Variants in NLGN1 observed in about 807,000 individuals in gnomAD.
The protein encoded by NLGN1 is neuroligin-1.
NLGN1 carries 12 observed loss-of-function variants against 65.5 expected under a neutral mutation model. The ratio of observed to expected loss-of-function variants is 0.18; its 90% CI spans 0.12 to 0.30. The LOEUF is 0.30. NLGN1 is among the 10% of genes least tolerant of loss of function. NLGN1 has a pLI of 1.00. For missense variants in NLGN1, 750 were observed against 1,007.1 expected, an observed-to-expected ratio of 0.74 and a Z score of 3.46; for synonymous variants, 350 against 359.5, an observed-to-expected ratio of 0.97 and a Z score of 0.30.
chr3:173,509,296 A>T (rs545344484), intron 2 of NLGN1, among the ~76,000 whole-genome samples: 2 of 152,250 alleles, frequency 1.3e-5, no homozygotes, highest in African/African-American at 4.8e-5. Context: ...ATTTTTAAGG[A>T]TTTTTAAACT....
chr3:173,579,478 A>G (rs1171249866), intron 2 of NLGN1, among the ~76,000 whole-genome samples: 1 of 152,256 alleles, frequency 6.6e-6, no homozygotes, highest in African/African-American at 2.4e-5. Flanking sequence ...CCAGGTCTCA[A>G]GATAAATAAA....
chr3:173,627,125 G>A (rs779957205), intron 3 of NLGN1, among the ~76,000 whole-genome samples: 2 of 151,420 alleles, frequency 1.3e-5, no homozygotes, highest in Non-Finnish European at 1.5e-5. Context: ...TTGTTTTTTC[G>A]GTATTATTGA....
At chr3:173,506,593 A>G (rs1732076769) in intron 2 of NLGN1, among the ~76,000 whole-genome samples, 1 of 152,226 alleles carries the variant, frequency 6.6e-6, no homozygotes, top group East Asian at 1.9e-4. Flanking sequence ...AAATTATGGT[A>G]GCTATTAAAC....
At chr3:173,526,371 A>T (rs557998734) in intron 2 of NLGN1, among the ~76,000 whole-genome samples, 1 of 151,998 alleles carries the variant, frequency 6.6e-6, no homozygotes, top group Non-Finnish European at 1.5e-5. Context: ...TTTGTTTGAT[A>T]TAAGAATGGC....
At chr3:174,237,233 C>CT (rs570879142) in intron 4 of NLGN1, among the ~76,000 whole-genome samples, 117 of 152,236 alleles carry the variant, frequency 7.7e-4, no homozygotes, top group Middle Eastern at 6.8e-3. Flanking sequence ...TCAAAACAAT[C>CT]TATGTGTTTA....
At chr3:174,233,358 T>C (rs1741087694) in intron 4 of NLGN1, among the ~76,000 whole-genome samples, 1 of 151,890 alleles carries the variant, frequency 6.6e-6, no homozygotes, top group African/African-American at 2.4e-5. Context: ...TGGTGGCGCA[T>C]GCCTGTAATC....
chr3:174,099,571 G>T (rs968177691), intron 4 of NLGN1, among the ~76,000 whole-genome samples: 1 of 152,106 alleles, frequency 6.6e-6, no homozygotes, highest in Non-Finnish European at 1.5e-5. Flanking sequence ...TTAAAGGTGA[G>T]AATATAATTC....
chr3:173,422,257 A>C (rs1019015220), intron 1 of NLGN1, among the ~76,000 whole-genome samples: 3 of 152,210 alleles, frequency 2.0e-5, no homozygotes, highest in African/African-American at 7.2e-5. Context: ...TGCTAATTGA[A>C]ATAAGCCAGG....
intron 4 of NLGN1, among the ~76,000 whole-genome samples, chr3:173,903,962 T>C (rs912438732): frequency 1.3e-5 from 2 of 152,118 alleles, no homozygotes; most frequent in Non-Finnish European, 2.9e-5. Flanking sequence ...CTTTTTTTTT[T>C]CCATTTCCAA....
intron 4 of NLGN1, among the ~76,000 whole-genome samples, chr3:174,171,956 C>T (rs1728616636): frequency 6.6e-6 from 1 of 151,960 alleles, no homozygotes; most frequent in South Asian, 2.1e-4. Flanking sequence ...ATAATCATTT[C>T]AATATTTACT....
intron 3 of NLGN1, among the ~76,000 whole-genome samples, chr3:173,778,671 AT>A (rs555322328): frequency 6.6e-6 from 1 of 151,918 alleles, no homozygotes; most frequent in Non-Finnish European, 1.5e-5. Flanking sequence ...TATTGAATGG[AT>A]TTTGGCTCTC....
chr3:173,914,536 T>TA (rs754410558), intron 4 of NLGN1, among the ~76,000 whole-genome samples: 27 of 142,336 alleles, frequency 1.9e-4, no homozygotes, highest in African/African-American at 6.7e-4. Flanking sequence ...CATCTATACA[T>TA]ACACACACAC....
intron 3 of NLGN1, among the ~76,000 whole-genome samples, chr3:173,755,600 T>C (rs1431165169): frequency 6.6e-6 from 1 of 152,004 alleles, no homozygotes; most frequent in East Asian, 1.9e-4. Flanking sequence ...AGCAGGCACA[T>C]AAAGACAGAT....
intron 3 of NLGN1, among the ~76,000 whole-genome samples, chr3:173,739,114 G>C (rs548346452): frequency 6.6e-6 from 1 of 152,024 alleles, no homozygotes; most frequent in South Asian, 2.1e-4. Flanking sequence ...ACAAACAAAA[G>C]CTCCCCAAGC....
intron 3 of NLGN1, among the ~76,000 whole-genome samples, chr3:173,791,649 TA>T (rs1339759562): frequency 6.6e-6 from 1 of 152,008 alleles, no homozygotes; most frequent in Non-Finnish European, 1.5e-5. Flanking sequence ...ATATGATTAT[TA>T]AAAAAACAAT....
At chr3:173,857,020 T>TA (rs59155869) in intron 4 of NLGN1, among the ~76,000 whole-genome samples, 3,916 of 139,890 alleles carry the variant, frequency 0.028, 79 homozygotes, top group African/African-American at 0.055. Flanking sequence ...AGGCGTTAGA[T>TA]AAAAAAAAAA....
intron 2 of NLGN1, among the ~76,000 whole-genome samples, chr3:173,533,338 A>G (rs1257508501): frequency 6.6e-6 from 1 of 152,206 alleles, no homozygotes; most frequent in Non-Finnish European, 1.5e-5. Context: ...AGAATTCTAC[A>G]GAGATGCATG....
At chr3:173,448,073 C>T (rs1384833196) in intron 2 of NLGN1, among the ~76,000 whole-genome samples, 1 of 152,132 alleles carries the variant, frequency 6.6e-6, no homozygotes, top group Admixed American at 6.5e-5. Context: ...TGCCTGATTG[C>T]CCTGGCCAGA....
At chr3:173,800,794 C>T (rs1715313512) in intron 3 of NLGN1, among the ~76,000 whole-genome samples, 1 of 151,892 alleles carries the variant, frequency 6.6e-6, no homozygotes, top group African/African-American at 2.4e-5. Context: ...AAAAAACACA[C>T]ACACCCAATA....
Sources: gnomAD v4.1 joint callset for allele counts (sites outside exome capture counted in the v4.1 genomes callset) on GRCh38, gnomAD v4.1.1 for gene constraint, MANE v1.5 for transcripts, NCBI Gene and HGNC (gene_info 2026-07-23, HGNC 2026-07-21) for gene names.